The following CPNE5 variants were observed in gnomAD, a reference collection of about 807,000 sequenced individuals.
CPNE5 encodes copine-5.
CPNE5 carries 42 observed loss-of-function variants against 81.1 expected under a neutral mutation model. The observed-to-expected ratio is 0.52, with a 90% CI of 0.40 to 0.67. The LOEUF is 0.67. CPNE5 is among the 30% of genes least tolerant of loss of function. The pLI is 0.00. For synonymous variants in CPNE5, 313 were observed against 321.5 expected (o/e 0.97, Z 0.28); for missense variants, 612 against 815.5 (o/e 0.75, Z 3.04).
Position 36,742,465 on chromosome 6 carries a change from C to A in CPNE5, c.1585G>T (p.Val529Leu). The A allele has an allele frequency of 6.2e-7, 1 of 1,612,682 alleles. No individual in the cohort carries two copies. The highest frequency in any genetic ancestry group is 8.5e-7 in the Non-Finnish European group (1 of 1,179,916). ...IVQFVPFRDY[V>L]DRTGNHVLSM... is the part of the protein sequence containing the mutation. ...AGCACGTGGTTGCCTGTGCGGTCCA[C>A]GTAGTCCCGGAAGGGTACAAACTGG... Residue 529 changes from valine (V) to leucine (L), a missense_variant, in exon 21 of 21, where the codon GTG becomes TTG. By Grantham distance (32) the Val-to-Leu change is conservative. Transcript: ENST00000244751.
intron 10 of CPNE5, among the ~76,000 whole-genome samples, chr6:36,770,517 C>T (rs1202051092): frequency 6.6e-6 from 1 of 152,154 alleles, no homozygotes; most frequent in African/African-American, 2.4e-5. Context: ...TCTCATCAGG[C>T]CCGGGTTCTC....
At chr6:36,756,166 A>C in intron 13 of CPNE5, 79 bp downstream of exon 13, 1 of 1,156,540 alleles carries the variant, frequency 8.6e-7, no homozygotes, top group Non-Finnish European at 1.2e-6. Flanking sequence ...ACACAGACGC[A>C]CGGGCCTCCC....
In CPNE5 at chr6:36,768,225, C is replaced by CT. The variant is rs10586762; in HGVS notation, c.738-2850dup. ...GGCTTTGACTACTCTATTCACAGTT[C>CT]TTTTTTTTTTTTTTTTTTTTTTTTT... On this transcript the variant is annotated intron_variant, in intron 10 of 20. Coordinates refer to ENST00000244751, the MANE Select transcript of CPNE5 (RefSeq NM_020939.2). 4.2e-3 allele frequency among the ~76,000 whole-genome samples: 255 copies of CT among 60,504 alleles called. 47 individuals are homozygous for CT. Among genetic ancestry groups the CT allele is most frequent in the African/African-American group, 0.011 (166 of 15,702 alleles). The allele number at this position is 60,504 out of a possible 152,430, so 39.7% of individuals were successfully genotyped here. A position where few individuals can be genotyped will look rare whatever the true frequency, so the allele number is the denominator to read the frequency against.
chr6:36,788,359 C>G (rs1768778154), intron 8 of CPNE5, among the ~76,000 whole-genome samples: 1 of 152,150 alleles, frequency 6.6e-6, no homozygotes, highest in Non-Finnish European at 1.5e-5. Flanking sequence ...CAAAGCCACC[C>G]TGCCTGCTGA....
At chr6:36,837,420 A>G (rs998266260) in intron 1 of CPNE5, among the ~76,000 whole-genome samples, 1 of 152,132 alleles carries the variant, frequency 6.6e-6, no homozygotes. Flanking sequence ...TCTGCCCTCC[A>G]TCTCCTTTCC....
rs188513685 is a variant in CPNE5 at position 36,796,168 on chromosome 6, C to A, written c.405-1519G>T. On this transcript the variant is annotated intron_variant, in intron 6 of 20. Coordinates refer to ENST00000244751, the MANE Select transcript of CPNE5 (RefSeq NM_020939.2). ...TTCTCCATGTTGGTCAGGCTGGTCT[C>A]AAACTCCCGACCTCAGGTGATCCAC... 7.6e-3 allele frequency among the ~76,000 whole-genome samples: 1,152 copies of A among 152,302 alleles called. 10 individuals are homozygous for A. Among genetic ancestry groups the A allele is most frequent in the Non-Finnish European group, 0.012 (839 of 68,018 alleles).
At chr6:36,820,937 A>G (rs1771989775) in intron 3 of CPNE5, among the ~76,000 whole-genome samples, 1 of 151,946 alleles carries the variant, frequency 6.6e-6, no homozygotes, top group Admixed American at 6.6e-5. Flanking sequence ...ACAGAGGAAG[A>G]CACTGTCTCA....
rs564690616 is a variant in CPNE5 at position 36,756,496 on chromosome 6, T to A, written c.856-198A>T. Among the ~76,000 whole-genome samples, 178 of 152,138 alleles carry A rather than the reference T, an allele frequency of 1.2e-3. 1 individual carries two copies. The highest frequency in any genetic ancestry group is 3.9e-3 in the African/African-American group (162 of 41,482). ...ATTGAGTCTGGGTTACACAACTGGG[T>A]TCTCCCATCAGACCCAGGGTCCCAC... On this transcript the variant is annotated intron_variant, in intron 12 of 20. Coordinates refer to ENST00000244751, the MANE Select transcript of CPNE5 (RefSeq NM_020939.2).
Position 36,746,247 on chromosome 6 carries a change from G to GC in CPNE5, c.1200+148dup, listed in dbSNP as rs1386337743. On this transcript the variant is annotated intron_variant, in intron 16 of 20. Coordinates refer to ENST00000244751, the MANE Select transcript of CPNE5 (RefSeq NM_020939.2). The surrounding 1 kb of genome is among the most constrained non-coding windows in gnomAD (Gnocchi z 4.5). ...TCAGGGAAGGGAGTGGATTTCTGGA[G>GC]CCCCCCTACACACAGCAGGCAGTCT... 8 of 1,384,662 alleles carry GC rather than the reference G, an allele frequency of 5.8e-6. No individual in the cohort carries two copies. Among genetic ancestry groups the GC allele is most frequent in the Non-Finnish European group, 6.5e-6 (7 of 1,075,320 alleles). 85.8% of individuals were successfully genotyped at this position (1,384,662 alleles called of 1,614,324 possible).
At chr6:36,778,816 G>T in intron 9 of CPNE5, 38 bp downstream of exon 9, 1 of 1,388,266 alleles carries the variant, frequency 7.2e-7, no homozygotes, top group South Asian at 1.2e-5. Context: ...CAGAAGGGAC[G>T]AGAAGGTGCA....
intron 1 of CPNE5, among the ~76,000 whole-genome samples, chr6:36,838,043 G>A (rs182593427): frequency 1.3e-5 from 2 of 152,176 alleles, no homozygotes; most frequent in East Asian, 3.9e-4. Context: ...GGCTTAGGGG[G>A]GAAGCTACGT....
chr6:36,767,108 G>A lies in CPNE5; in HGVS notation c.738-1732C>T, dbSNP rs150629385. 3.0e-3 allele frequency among the ~76,000 whole-genome samples: 464 copies of A among 152,220 alleles called. 6 individuals carry two copies. The highest frequency in any genetic ancestry group is 0.011 in the African/African-American group (440 of 41,522). On this transcript the variant is annotated intron_variant, in intron 10 of 20. Transcript: ENST00000244751. ...TGACCTCAAGTGATCCACCCGTCTC[G>A]GCCTCCCAAAGTACTGGGATTAGAG...
At chr6:36,807,251 T>C (rs558790770) in intron 3 of CPNE5, among the ~76,000 whole-genome samples, 2 of 152,148 alleles carry the variant, frequency 1.3e-5, no homozygotes, top group African/African-American at 2.4e-5. Context: ...TAGTGCAGAG[T>C]CTACGGCCAG....
intron 15 of CPNE5, among the ~76,000 whole-genome samples, chr6:36,747,676 G>C (rs1274287666): frequency 6.6e-6 from 1 of 152,224 alleles, no homozygotes; most frequent in Non-Finnish European, 1.5e-5. Flanking sequence ...GAGCCCAAGG[G>C]AGGTTGTGAT....
intron 1 of CPNE5, chr6:36,827,791 A>G (rs1772632785): frequency 3.1e-6 from 3 of 974,188 alleles, no homozygotes; most frequent in Non-Finnish European, 3.7e-6. Flanking sequence ...GGGCACAGAC[A>G]AGACCAGACC....
At chr6:36,745,318 A>G in intron 17 of CPNE5, 70 bp downstream of exon 17, 1 of 1,545,668 alleles carries the variant, frequency 6.5e-7, no homozygotes, top group South Asian at 1.2e-5. Flanking sequence ...CCCTCCCACC[A>G]CCCAGAGGCA....
intron 3 of CPNE5, 145 bp from the exon 4 acceptor site, chr6:36,800,215 C>T: frequency 4.9e-6 from 3 of 606,126 alleles, no homozygotes; most frequent in Non-Finnish European, 8.7e-6. Context: ...TGACATCCAT[C>T]CCCTCCCAAT....
At chr6:36,794,365 C>T (rs1769372940) in intron 7 of CPNE5, among the ~76,000 whole-genome samples, 1 of 152,112 alleles carries the variant, frequency 6.6e-6, no homozygotes, top group Non-Finnish European at 1.5e-5. Context: ...CTTGAGATGC[C>T]CAAGCTCTAG....
intron 1 of CPNE5, among the ~76,000 whole-genome samples, chr6:36,828,575 A>G (rs569434209): frequency 6.6e-6 from 1 of 152,334 alleles, no homozygotes; most frequent in African/African-American, 2.4e-5. Flanking sequence ...GCATAGAAAG[A>G]AACATTTTCC....
Sources: gnomAD v4.1 joint callset for allele counts (sites outside exome capture counted in the v4.1 genomes callset) on GRCh38, gnomAD v4.1.1 for gene constraint, Gnocchi (gnomAD v3.1) non-coding constraint, MANE v1.5 for transcripts, NCBI Gene and HGNC (gene_info 2026-07-23, HGNC 2026-07-21) for gene names.